STIM2: variants seen among roughly 807,000 people sequenced by gnomAD.
STIM2 encodes the protein stromal interaction molecule 2.
STIM2 carries 31 observed loss-of-function variants against 85.8 expected under a neutral mutation model. That is an observed-to-expected ratio of 0.36 (90% CI 0.27 to 0.49). The LOEUF is 0.49. Ranked by LOEUF, STIM2 falls within the 20% of genes least tolerant of loss-of-function variation. The pLI, the probability that STIM2 is intolerant of heterozygous loss-of-function variation, is 0.98. For missense variants in STIM2, 841 were observed against 927.6 expected, an observed-to-expected ratio of 0.91 and a Z score of 1.21; for synonymous variants, 356 against 331.1, an observed-to-expected ratio of 1.08 and a Z score of -0.82.
chr4:26,867,548 A>C (rs1181273020), intron 1 of STIM2, among the ~76,000 whole-genome samples: 2 of 152,246 alleles, frequency 1.3e-5, no homozygotes, highest in African/African-American at 4.8e-5. Context: ...ATTAAACTAA[A>C]GTTATAAGTC....
chr4:26,997,572 G>T (rs1194238357), intron 4 of STIM2, among the ~76,000 whole-genome samples: 1 of 152,110 alleles, frequency 6.6e-6, no homozygotes, highest in Non-Finnish European at 1.5e-5. Context: ...ATTTTGTTAT[G>T]TATTTTCTTT....
intron 3 of STIM2, among the ~76,000 whole-genome samples, chr4:26,972,485 C>T (rs578171123): frequency 6.6e-6 from 1 of 152,246 alleles, no homozygotes; most frequent in South Asian, 2.1e-4. Context: ...TTTTCTTCAT[C>T]TGTTGAGATA....
At chr4:26,976,235 C>T (rs1361324817) in intron 3 of STIM2, among the ~76,000 whole-genome samples, 4 of 152,104 alleles carry the variant, frequency 2.6e-5, no homozygotes, top group Non-Finnish European at 4.4e-5. Context: ...TGCTTCAGCT[C>T]GCCCTCCGTT....
chr4:26,961,468 T>A (rs1201422146), intron 3 of STIM2, among the ~76,000 whole-genome samples: 1 of 152,152 alleles, frequency 6.6e-6, no homozygotes, highest in Non-Finnish European at 1.5e-5. Flanking sequence ...TGCAGCAAAA[T>A]AGACTGTATC....
intron 3 of STIM2, among the ~76,000 whole-genome samples, chr4:26,964,227 C>T (rs1045680575): frequency 1.3e-5 from 2 of 152,128 alleles, no homozygotes; most frequent in African/African-American, 4.8e-5. Flanking sequence ...CAGTGCTTAC[C>T]AATCCATAGT....
chr4:26,871,426 C>T (rs1722606587), intron 1 of STIM2, among the ~76,000 whole-genome samples: 1 of 152,114 alleles, frequency 6.6e-6, no homozygotes, highest in African/African-American at 2.4e-5. Context: ...TTATGAGTTT[C>T]TCCTTCATTT....
chr4:26,934,913 C>CAAAAAA (rs1160656482), intron 2 of STIM2, among the ~76,000 whole-genome samples: 283 of 57,242 alleles, frequency 4.9e-3, no homozygotes, highest in Middle Eastern at 9.8e-3. Flanking sequence ...AACTCCATCT[C>CAAAAAA]AAAAAAAAAA....
chr4:26,911,527 T>C (rs1724338857), intron 1 of STIM2, among the ~76,000 whole-genome samples: 1 of 152,190 alleles, frequency 6.6e-6, no homozygotes, highest in African/African-American at 2.4e-5. Flanking sequence ...TTAGAGAACA[T>C]CTGCAGTGGT....
At chr4:26,922,052 G>A (rs1724820500) in intron 2 of STIM2, among the ~76,000 whole-genome samples, 1 of 152,100 alleles carries the variant, frequency 6.6e-6, no homozygotes, top group Non-Finnish European at 1.5e-5. Context: ...TGTATATTCT[G>A]TTGGTCATAA....
intron 5 of STIM2, among the ~76,000 whole-genome samples, chr4:27,000,682 C>A (rs1249530296): frequency 6.6e-6 from 1 of 151,986 alleles, no homozygotes; most frequent in Non-Finnish European, 1.5e-5. Flanking sequence ...TTAAATAAAC[C>A]AATTAAAAAG....
chr4:26,928,675 A>T (rs1347327058), intron 2 of STIM2, among the ~76,000 whole-genome samples: 1 of 152,190 alleles, frequency 6.6e-6, no homozygotes, highest in African/African-American at 2.4e-5. Context: ...TTTATCAGAT[A>T]TTAAATGCAC....
chr4:26,894,515 GAT>G (rs1043901724), intron 1 of STIM2, among the ~76,000 whole-genome samples: 6 of 151,124 alleles, frequency 4.0e-5, no homozygotes, highest in African/African-American at 1.5e-4. Flanking sequence ...CTTCCGTGTG[GAT>G]GTTCAGCCAA....
chr4:27,007,877 A>G, intron 8 of STIM2, 177 bp downstream of exon 8: 2 of 734,376 alleles, frequency 2.7e-6, no homozygotes, highest in Non-Finnish European at 2.3e-6. Flanking sequence ...AATTAAAATT[A>G]CTGCATTTGG....
intron 3 of STIM2, among the ~76,000 whole-genome samples, chr4:26,992,466 G>T (rs1012813184): frequency 6.6e-6 from 1 of 152,012 alleles, no homozygotes; most frequent in African/African-American, 2.4e-5. Context: ...TGTAATCTCA[G>T]CACTTTGAGA....
chr4:26,884,015 CA>C (rs1723119366), intron 1 of STIM2, among the ~76,000 whole-genome samples: 1 of 152,160 alleles, frequency 6.6e-6, no homozygotes, highest in African/African-American at 2.4e-5. Context: ...CTCAGCAAAC[CA>C]AGGAAGTTAT....
intron 3 of STIM2, among the ~76,000 whole-genome samples, chr4:26,992,821 C>T (rs1727812812): frequency 6.6e-6 from 1 of 152,058 alleles, no homozygotes; most frequent in South Asian, 2.1e-4. Flanking sequence ...ACCAAGGAAA[C>T]CACAGCAAAA....
chr4:26,932,588 A>G (rs1362479385), intron 2 of STIM2, among the ~76,000 whole-genome samples: 1 of 152,214 alleles, frequency 6.6e-6, no homozygotes, highest in Admixed American at 6.5e-5. Flanking sequence ...TATCTTGGCT[A>G]TAAATGTCTA....
At chr4:26,948,272 TC>T (rs746403850) in intron 2 of STIM2, among the ~76,000 whole-genome samples, 5 of 152,184 alleles carry the variant, frequency 3.3e-5, no homozygotes, top group Non-Finnish European at 7.3e-5. Flanking sequence ...TTCCAGGTGT[TC>T]CAACGAAAGT....
At chr4:26,984,561 C>T (rs532270215) in intron 3 of STIM2, among the ~76,000 whole-genome samples, 29 of 152,134 alleles carry the variant, frequency 1.9e-4, no homozygotes, top group Non-Finnish European at 2.9e-4. Context: ...GATGGGGTTT[C>T]GCCATGTTGG....
Sources: allele counts gnomAD v4.1 joint callset (sites outside exome capture counted in the v4.1 genomes callset), GRCh38; gene constraint gnomAD v4.1.1; transcripts MANE v1.5; gene names NCBI Gene and HGNC (gene_info 2026-07-23, HGNC 2026-07-21).